The following DPP6 variants were observed in gnomAD, a reference collection of about 807,000 sequenced individuals.
DPP6 encodes dipeptidyl peptidase like 6.
A neutral mutation model predicts 122.6 loss-of-function variants in DPP6; 69 were observed. That is an observed-to-expected ratio of 0.56 (90% CI 0.46 to 0.69). The LOEUF (loss-of-function observed/expected upper bound fraction) is 0.69, where lower values mean the gene tolerates loss of function less well. DPP6 is among the 30% of genes least tolerant of loss of function. DPP6 has a pLI of 0.00. For missense variants in DPP6, 928 were observed against 1,116.9 expected (o/e 0.83, Z 2.41); for synonymous variants, 418 against 433.1 (o/e 0.97, Z 0.43).
At chr7:154,373,419 C>T (rs1315995293) in intron 1 of DPP6, among the ~76,000 whole-genome samples, 1 of 152,154 alleles carries the variant, frequency 6.6e-6, no homozygotes, top group Admixed American at 6.5e-5. Flanking sequence ...TTGTGAGGAG[C>T]CATCTCTGTG....
chr7:154,238,043 G>C (rs1354207196), intron 1 of DPP6, among the ~76,000 whole-genome samples: 1 of 152,176 alleles, frequency 6.6e-6, no homozygotes, highest in African/African-American at 2.4e-5. Flanking sequence ...GAACACTTCA[G>C]ATTCCAGGAG....
At chr7:154,220,135 A>C (rs1800220987) in intron 1 of DPP6, among the ~76,000 whole-genome samples, 1 of 152,152 alleles carries the variant, frequency 6.6e-6, no homozygotes, top group African/African-American at 2.4e-5. Flanking sequence ...TGGCACTTAA[A>C]CCCTAATGTG....
At chr7:154,859,177 T>C (rs1437418808) in intron 17 of DPP6, among the ~76,000 whole-genome samples, 1 of 152,234 alleles carries the variant, frequency 6.6e-6, no homozygotes, top group Non-Finnish European at 1.5e-5. Context: ...CACCCCTGGT[T>C]TAGATCAGCC....
chr7:154,132,029 G>A (rs1390886514), intron 1 of DPP6, among the ~76,000 whole-genome samples: 1 of 152,174 alleles, frequency 6.6e-6, no homozygotes, highest in Non-Finnish European at 1.5e-5. Context: ...AAGTTTTGCA[G>A]ATGAGGGTGA....
chr7:153,843,182 A>G, the DPP6 span, among the ~76,000 whole-genome samples: 2 of 151,584 alleles, frequency 1.3e-5, no homozygotes, highest in African/African-American at 4.9e-5. Flanking sequence ...ACGAGTGCAT[A>G]CACACGCGTG....
intron 7 of DPP6, among the ~76,000 whole-genome samples, chr7:154,680,694 T>TA (rs111811314): frequency 9.4e-5 from 14 of 149,506 alleles, no homozygotes; most frequent in African/African-American, 3.5e-4. Flanking sequence ...ATATTTTTTT[T>TA]AAAAAAAAAT....
rs917721737 is a variant in DPP6 at position 154,486,488 on chromosome 7, G to A, written c.457+11451G>A. 2.0e-5 allele frequency among the ~76,000 whole-genome samples: 3 copies of A among 152,156 alleles called. No individual in the cohort carries two copies. Among genetic ancestry groups the A allele is most frequent in the Non-Finnish European group, 4.4e-5 (3 of 68,032 alleles). ...ATATTAGGTTCTTTGGCAGCTTTGT[G>A]ACTTTATTGCTCTTCTCTTTTTCTG... On this transcript the variant is annotated intron_variant, in intron 3 of 25. Transcript: ENST00000377770. The surrounding 1 kb of genome is among the most constrained non-coding windows in gnomAD (Gnocchi z 4.5).
chr7:153,950,629 C>T (rs546448437), intron 1 of DPP6, among the ~76,000 whole-genome samples: 1 of 152,242 alleles, frequency 6.6e-6, no homozygotes, highest in South Asian at 2.1e-4. Flanking sequence ...GCCCCTTAGG[C>T]GGTGGACTCA....
At chr7:154,718,217 C>A (rs1337121860) in intron 7 of DPP6, among the ~76,000 whole-genome samples, 1 of 152,096 alleles carries the variant, frequency 6.6e-6, no homozygotes, top group South Asian at 2.1e-4. Flanking sequence ...TTCACTCTGT[C>A]GATTGTTTCT....
intron 8 of DPP6, among the ~76,000 whole-genome samples, chr7:154,744,981 T>C (rs1842972481): frequency 6.6e-6 from 1 of 152,354 alleles, no homozygotes; most frequent in South Asian, 2.1e-4. Context: ...GTATCTTGCC[T>C]CATTAAAAGA....
intron 16 of DPP6, chr7:154,838,418 A>G (rs1801255236): frequency 6.6e-6 from 1 of 152,222 alleles, no homozygotes; most frequent in Non-Finnish European, 1.5e-5. Context: ...CCATTGCCAC[A>G]TTTTGCAGAT....
rs541752340 is a variant in DPP6 at position 154,629,858 on chromosome 7, T to A, written c.628-7963T>A. Reference sequence around the variant, plus strand: ...CCCAGTCCAAAATCCTGGGTAACAATCTCAGTCATTGAAGGCAGCTGCAAC... The same window carrying A: ...CCCAGTCCAAAATCCTGGGTAACAAACTCAGTCATTGAAGGCAGCTGCAAC... On this transcript the variant is annotated intron_variant, in intron 5 of 25. Coordinates refer to ENST00000377770, the MANE Select transcript of DPP6 (RefSeq NM_130797.4). 2.0e-5 allele frequency among the ~76,000 whole-genome samples: 3 copies of A among 152,218 alleles called. No individual in the cohort carries two copies. In the South Asian group the frequency reaches 6.2e-4, roughly 32 times the overall value.
chr7:153,889,077 GGT>G, intron 1 of DPP6, among the ~76,000 whole-genome samples: 1 of 152,322 alleles, frequency 6.6e-6, no homozygotes, highest in East Asian at 1.9e-4. Flanking sequence ...TCTGGACGGA[GGT>G]GTGAGTCTCT....
intron 1 of DPP6, among the ~76,000 whole-genome samples, chr7:154,218,831 T>C (rs1193133926): frequency 6.6e-5 from 10 of 152,204 alleles, no homozygotes; most frequent in African/African-American, 2.2e-4. Flanking sequence ...TGCAAACATA[T>C]GTACTTTAAA....
chr7:154,357,388 TGAAG>T (rs1261663524), intron 1 of DPP6, among the ~76,000 whole-genome samples: 2 of 151,808 alleles, frequency 1.3e-5, no homozygotes, highest in African/African-American at 4.8e-5. Flanking sequence ...TTCAAACTAA[TGAAG>T]TAAGGTCAAT....
chr7:154,295,944 CTTTTTT>C (rs146439433), intron 1 of DPP6, among the ~76,000 whole-genome samples: 1 of 112,784 alleles, frequency 8.9e-6, no homozygotes. Context: ...ACAGTTGCTT[CTTTTTT>C]TTTTTTTTTT....
chr7:154,545,466 CCCTCCCTTCCTTCCTT>C (rs1264826442), intron 4 of DPP6, among the ~76,000 whole-genome samples: 2 of 137,382 alleles, frequency 1.5e-5, no homozygotes, highest in East Asian at 2.2e-4. Context: ...CTCCCTCCCT[CCCTCCCTTCCTTCCTT>C]CCTTCCTTCC....
At chr7:153,929,034 A>G (rs1269859255) in intron 1 of DPP6, among the ~76,000 whole-genome samples, 1 of 152,158 alleles carries the variant, frequency 6.6e-6, no homozygotes, top group Non-Finnish European at 1.5e-5. Flanking sequence ...AGCATCCTAC[A>G]TACTTGGGCT....
intron 1 of DPP6, among the ~76,000 whole-genome samples, chr7:154,286,213 G>T (rs1390083454): frequency 6.6e-6 from 1 of 152,110 alleles, no homozygotes; most frequent in African/African-American, 2.4e-5. Flanking sequence ...TTTGTCCAGA[G>T]CTGAGGAAAA....
Sources: allele counts gnomAD v4.1 joint callset (sites outside exome capture counted in the v4.1 genomes callset), GRCh38; gene constraint gnomAD v4.1.1; non-coding constraint Gnocchi (gnomAD v3.1); transcripts MANE v1.5; gene names NCBI Gene and HGNC (gene_info 2026-07-23, HGNC 2026-07-21).